Variants in CCDC18 observed in about 807,000 individuals in gnomAD.
CCDC18 encodes the protein coiled-coil domain-containing protein 18.
In CCDC18, 157 loss-of-function variants were observed where a neutral mutation model predicts 196.0. The observed-to-expected ratio is 0.80, with a 90% CI of 0.70 to 0.91. The LOEUF is 0.91. Ranked by LOEUF, CCDC18 falls within the 40% of genes least tolerant of loss-of-function variation. The probability of loss-of-function intolerance (pLI) is 0.00; values close to 1 mark genes in which losing one functional copy is unlikely to be tolerated. For missense variants in CCDC18, 1,465 were observed against 1,611.6 expected, an observed-to-expected ratio of 0.91 and a Z score of 1.56; for synonymous variants, 482 against 529.2, an observed-to-expected ratio of 0.91 and a Z score of 1.22.
At position 93,186,509 on chromosome 1, in the gene CCDC18, T is replaced by A. The variant is rs374715646; in HGVS notation, c.462+6T>A. On this transcript the variant is annotated splice_donor_region_variant and intron_variant, in intron 4 of 28. Coordinates refer to ENST00000690025, the MANE Select transcript of CCDC18 (RefSeq NM_001378204.1). ...TAACACAGTCAAGAGCAAAAGTATG[T>A]ATCTTGAAATAAGTTTGCCAACAGA... 21 of 1,572,232 alleles carry A rather than the reference T, an allele frequency of 1.3e-5. No homozygotes were observed. In the African/African-American group the frequency reaches 2.7e-4, roughly 21 times the overall value.
At chr1:93,211,514 G>A (rs867416686) in intron 10 of CCDC18, among the ~76,000 whole-genome samples, 32 of 152,086 alleles carry the variant, frequency 2.1e-4, no homozygotes, top group African/African-American at 7.0e-4. Flanking sequence ...TTTCCCCTAA[G>A]TATCCACCAT....
intron 24 of CCDC18, 43 bp downstream of exon 24, chr1:93,254,657 G>C (rs758922136): frequency 5.2e-6 from 8 of 1,546,926 alleles, no homozygotes; most frequent in Non-Finnish European, 7.1e-6. Flanking sequence ...GGTAGTCTCT[G>C]TTGAGTGAAA....
intron 28 of CCDC18, among the ~76,000 whole-genome samples, chr1:93,275,982 G>A (rs550086867): frequency 6.6e-6 from 1 of 152,218 alleles, no homozygotes; most frequent in Non-Finnish European, 1.5e-5. Context: ...CCAGCTACCT[G>A]GGTCTGGATA....
At chr1:93,247,222 CTG>C (rs1366311490) in intron 23 of CCDC18, among the ~76,000 whole-genome samples, 2 of 151,826 alleles carry the variant, frequency 1.3e-5, no homozygotes, top group Admixed American at 6.6e-5. Context: ...CGACCACACT[CTG>C]TGGATCTTTC....
At chr1:93,267,987 C>G (rs1351057480) in intron 27 of CCDC18, among the ~76,000 whole-genome samples, 1 of 152,164 alleles carries the variant, frequency 6.6e-6, no homozygotes, top group African/African-American at 2.4e-5. Context: ...CAAGACAATC[C>G]TAAGCCAAAA....
At chr1:93,272,489 ATAGAAGAGAAAT>A (rs751338092) in intron 28 of CCDC18, among the ~76,000 whole-genome samples, 4 of 152,310 alleles carry the variant, frequency 2.6e-5, no homozygotes, top group Non-Finnish European at 5.9e-5. Flanking sequence ...AATCAGTGAA[ATAGAAGAGAAAT>A]TAGGAGAGTA....
At chr1:93,250,190 G>A (rs72959225) in intron 23 of CCDC18, among the ~76,000 whole-genome samples, 13,508 of 151,552 alleles carry the variant, frequency 0.089, 1,979 homozygotes, top group African/African-American at 0.31. Flanking sequence ...GTGAGCCTGG[G>A]CAACATAGTG....
chr1:93,254,941 C>CTTTTTTTTTTTTTTTTTTT (rs34139452), intron 24 of CCDC18, among the ~76,000 whole-genome samples: 1 of 44,290 alleles, frequency 2.3e-5, no homozygotes, highest in African/African-American at 9.9e-5. Context: ...GAGGAGTCAG[C>CTTTTTTTTTTTTTTTTTTT]TTTTTTTTTT....
In CCDC18 at chr1:93,186,408, C is replaced by G. The variant is rs755365698; in HGVS notation, c.367C>G (p.Leu123Val). The G allele has an allele frequency of 6.2e-7, 1 of 1,612,164 alleles. No homozygotes were observed. Among genetic ancestry groups the G allele is most frequent in the Non-Finnish European group, 8.5e-7 (1 of 1,178,736 alleles). The change falls in exon 4 of 29, where the codon CTT becomes GTT. Residue 123 changes from leucine (L) to valine (V), a missense_variant. Transcript: ENST00000690025. ...AAGCCTTCGAGAGAAACTAAATAAA[C>G]TTAGGCAACAGAATGCTTGTTTGGT... is the stretch of plus-strand genomic sequence containing the variant. ...IKSLREKLNK[L>V]RQQNACLVTQ...
rs747973752 is a variant in CCDC18 at position 93,193,744 on chromosome 1, G to A, written c.698G>A (p.Arg233Lys). Reference protein sequence around the residue: ...DLLEQTKQGKRAERQRNEALY... With the variant: ...DLLEQTKQGKKAERQRNEALY... ...CTTGAACAAACCAAACAAGGAAAAA[G>A]GTATGTGTTTTTAAAGCAAATACAT... is the stretch of plus-strand genomic sequence containing the variant. Residue 233 changes from arginine (R) to lysine (K), a missense_variant and splice_region_variant, in exon 6 of 29, where the codon AGA (arginine) becomes AAA (lysine). Transcript: ENST00000690025. 6.5e-7 allele frequency: 1 copy of A among 1,545,536 alleles called. No homozygotes were observed. Among genetic ancestry groups the A allele is most frequent in the Non-Finnish European group, 8.7e-7 (1 of 1,153,684 alleles).
At position 93,207,118 on chromosome 1, in the gene CCDC18, A is replaced by G; in HGVS notation, c.929A>G (p.Glu310Gly). ...TCTTTTCTTCATAGGCAGTTAAAAG[A>G]AGAAAATAACAACGGAAAAGAAAAA... ...ILKEKLRQLK[E>G]ENNNGKEKLR... The change falls in exon 9 of 29, where the codon GAA (glutamate) becomes GGA (glycine). Residue 310 changes from glutamate to glycine, a missense_variant. Physicochemically the swap from Glu to Gly is moderately conservative, Grantham distance 98. Coordinates refer to ENST00000690025, the MANE Select transcript of CCDC18 (RefSeq NM_001378204.1). The G allele has an allele frequency of 6.7e-7, 1 of 1,487,882 alleles. No homozygotes were observed. Among genetic ancestry groups the G allele is most frequent in the Non-Finnish European group, 9.1e-7 (1 of 1,096,844 alleles). The allele number at this position is 1,487,882 out of a possible 1,614,324, so 92.2% of individuals were successfully genotyped here.
intron 17 of CCDC18, among the ~76,000 whole-genome samples, chr1:93,226,887 A>T (rs1277594624): frequency 2.0e-5 from 3 of 152,130 alleles, no homozygotes; most frequent in African/African-American, 7.2e-5. Context: ...ATAAAATGTA[A>T]ATTCCAATTT....
At chr1:93,266,330 A>G (rs542052821) in intron 27 of CCDC18, among the ~76,000 whole-genome samples, 112 of 152,366 alleles carry the variant, frequency 7.4e-4, no homozygotes, top group Non-Finnish European at 1.4e-3. Flanking sequence ...AAATGCCCAC[A>G]AGAGAAAGCA....
Position 93,256,330 on chromosome 1 carries a change from T to C in CCDC18, c.3343-5T>C. On this transcript the variant is annotated splice_region_variant and splice_polypyrimidine_tract_variant and intron_variant, in intron 24 of 28. Coordinates refer to ENST00000690025, the MANE Select transcript of CCDC18 (RefSeq NM_001378204.1). ...TGAAACCTACAAATACCTTATGCTTTTCAGGTTATGAAAGAGCAAGAACAG... is the reference window on the plus strand; with the variant it reads ...TGAAACCTACAAATACCTTATGCTTCTCAGGTTATGAAAGAGCAAGAACAG... 6.2e-7 allele frequency: 1 copy of C among 1,613,182 alleles called. No homozygotes were observed. The highest frequency in any genetic ancestry group is 8.5e-7 in the Non-Finnish European group (1 of 1,179,290).
chr1:93,254,317 A>G (rs569898497), intron 23 of CCDC18, among the ~76,000 whole-genome samples, 154 bp from the exon 24 acceptor site: 47 of 152,272 alleles, frequency 3.1e-4, no homozygotes, highest in Non-Finnish European at 5.3e-4. Flanking sequence ...AAGAACAAGA[A>G]TTTTTGTGCT....
intron 17 of CCDC18, among the ~76,000 whole-genome samples, chr1:93,227,957 C>CAAA (rs71586784): frequency 4.1e-4 from 43 of 105,168 alleles, no homozygotes; most frequent in African/African-American, 1.3e-3. Context: ...GACCCTATCT[C>CAAA]AAAAAAAAAA....
intron 22 of CCDC18, among the ~76,000 whole-genome samples, chr1:93,246,630 C>T (rs1291191298): frequency 6.6e-6 from 1 of 151,924 alleles, no homozygotes; most frequent in African/African-American, 2.4e-5. Flanking sequence ...GCATATGGGG[C>T]TCATGAGCCA....
intron 4 of CCDC18, among the ~76,000 whole-genome samples, chr1:93,191,728 C>A (rs956758987): frequency 2.0e-5 from 3 of 152,038 alleles, no homozygotes; most frequent in Admixed American, 6.6e-5. Context: ...ATAAATCTTG[C>A]TAGATGCTTA....
At chr1:93,189,758 G>T (rs1367576843) in intron 4 of CCDC18, among the ~76,000 whole-genome samples, 3 of 152,030 alleles carry the variant, frequency 2.0e-5, no homozygotes, top group African/African-American at 7.3e-5. Context: ...GACCTCCTGG[G>T]CACAAGTGAT....
Sources: allele counts gnomAD v4.1 joint callset (sites outside exome capture counted in the v4.1 genomes callset), GRCh38; gene constraint gnomAD v4.1.1; transcripts MANE v1.5; gene names NCBI Gene and HGNC (gene_info 2026-07-23, HGNC 2026-07-21).